AGPAT3: variants seen among roughly 807,000 people sequenced by gnomAD.
AGPAT3 encodes the protein 1-acylglycerol-3-phosphate O-acyltransferase 3.
AGPAT3 carries 5 observed loss-of-function variants against 47.3 expected under a neutral mutation model. That is an observed-to-expected ratio of 0.11 (90% CI 0.06 to 0.22). AGPAT3 has a LOEUF of 0.22. Ranked by LOEUF, AGPAT3 falls within the 10% of genes least tolerant of loss-of-function variation. The pLI, the probability that AGPAT3 is intolerant of heterozygous loss-of-function variation, is 1.00. For synonymous variants in AGPAT3, 212 were observed against 208.3 expected, an observed-to-expected ratio of 1.02 and a Z score of -0.15; for missense variants, 315 against 493.0, an observed-to-expected ratio of 0.64 and a Z score of 3.42.
rs1004383384 is a variant in AGPAT3, at chr21:43,920,220, T to TGAGC, written c.-49+16202_-49+16203insAGCG. On this transcript the variant is annotated intron_variant, in intron 2 of 9. Transcript: ENST00000291572. This position sits in a 1 kb window ranked among gnomAD's most constrained non-coding sequence, Gnocchi z 6.1. ...ATGTCTTCAGCCCTGTGTGTGTGTG[T>TGAGC]GTGAGAGATTGTGAGTGAGTGTGTG... is the stretch of plus-strand genomic sequence containing the variant. Among the ~76,000 whole-genome samples the TGAGC allele has an allele frequency of 2.0e-5, 3 of 147,332 alleles. No individual in the cohort carries two copies. Among genetic ancestry groups the TGAGC allele is most frequent in the South Asian group, 2.1e-4 (1 of 4,702 alleles).
chr21:43,977,071 C>T (rs191982340), intron 7 of AGPAT3, among the ~76,000 whole-genome samples: 54 of 152,254 alleles, frequency 3.5e-4, no homozygotes, highest in Middle Eastern at 3.4e-3. Context: ...TAAAATTTTC[C>T]GATTAGATTT....
At position 43,908,572 on chromosome 21, in the gene AGPAT3, G is replaced by A. The variant is rs2146073143; in HGVS notation, c.-49+4553G>A. 6.6e-6 allele frequency among the ~76,000 whole-genome samples: 1 copy of A among 152,334 alleles called. No individual in the cohort carries two copies. The highest frequency in any genetic ancestry group is 1.9e-4 in the East Asian group (1 of 5,192). On this transcript the variant is annotated intron_variant, in intron 2 of 9. Transcript: ENST00000291572. The surrounding 1 kb of genome is among the most constrained non-coding windows in gnomAD (Gnocchi z 4.9). ...CAGAAGGTGAGGGCATGGGGTAGGGGGAGTGGAGCCGTGGGTGCGGCACTA... is the reference window on the plus strand; with the variant it reads ...CAGAAGGTGAGGGCATGGGGTAGGGAGAGTGGAGCCGTGGGTGCGGCACTA...
chr21:43,897,247 CAT>C (rs1450110977), intron 1 of AGPAT3, among the ~76,000 whole-genome samples: 2 of 151,986 alleles, frequency 1.3e-5, no homozygotes, highest in African/African-American at 2.4e-5. Context: ...GGACACAGCA[CAT>C]GTTTCAGAGA....
intron 1 of AGPAT3, chr21:43,867,577 C>G (rs2085535285): frequency 6.6e-6 from 1 of 152,304 alleles, no homozygotes; most frequent in African/African-American, 2.4e-5. Context: ...CCGTTGTCAC[C>G]ATCAAAACCC....
At chr21:43,878,757 C>CA (rs1249650645) in intron 1 of AGPAT3, among the ~76,000 whole-genome samples, 1 of 145,602 alleles carries the variant, frequency 6.9e-6, no homozygotes, top group Admixed American at 6.8e-5. Context: ...TTTTTGGACA[C>CA]AGAGTTTTAC....
chr21:43,892,451 A>C (rs2086122783), intron 1 of AGPAT3, among the ~76,000 whole-genome samples: 1 of 152,220 alleles, frequency 6.6e-6, no homozygotes, highest in African/African-American at 2.4e-5. Flanking sequence ...TTGGCAATGA[A>C]CAGTAATTTT....
chr21:43,940,694 A>G (rs2087623399), intron 2 of AGPAT3, among the ~76,000 whole-genome samples: 1 of 152,238 alleles, frequency 6.6e-6, no homozygotes, highest in South Asian at 2.1e-4. Context: ...GTGCTGTAGG[A>G]TGGCTGATTT....
At position 43,970,845 on chromosome 21, in the gene AGPAT3, C is replaced by CCTG; in HGVS notation, c.664+39_664+40insCTG. The CCTG allele has an allele frequency of 6.8e-7, 1 of 1,469,246 alleles. No homozygotes were observed. The highest frequency in any genetic ancestry group is 9.0e-7 in the Non-Finnish European group (1 of 1,109,728). The allele number at this position is 1,469,246 out of a possible 1,614,324, so 91.0% of individuals were successfully genotyped here. On this transcript the variant is annotated intron_variant, in intron 6 of 9. Coordinates refer to ENST00000291572, the MANE Select transcript of AGPAT3 (RefSeq NM_020132.5). This position sits in a 1 kb window ranked among gnomAD's most constrained non-coding sequence, Gnocchi z 5.8. ...TGCCCGAGCCGGGGCCACCGCTATG[C>CCTG]TCACGGAAAATAGTGATTTCTTTAA...
chr21:43,866,120 G>GTT (rs751185123), intron 1 of AGPAT3, among the ~76,000 whole-genome samples: 38,265 of 132,160 alleles, frequency 0.29, 6,034 homozygotes, highest in East Asian at 0.52. Context: ...ATGGTGCAGT[G>GTT]TTTTTTTTTT....
intron 8 of AGPAT3, among the ~76,000 whole-genome samples, 161 bp downstream of exon 8, chr21:43,978,282 G>A (rs2089697555): frequency 6.6e-6 from 1 of 152,132 alleles, no homozygotes. Flanking sequence ...TCTTTCTGTT[G>A]TTTTGTTTTG....
intron 1 of AGPAT3, among the ~76,000 whole-genome samples, chr21:43,876,488 G>A (rs999321436): frequency 6.6e-5 from 10 of 152,274 alleles, no homozygotes; most frequent in African/African-American, 1.9e-4. Context: ...TCCAGGAGTG[G>A]GACTGATCTA....
intron 5 of AGPAT3, 115 bp downstream of exon 5, chr21:43,969,394 G>C (rs955386720): frequency 9.5e-6 from 13 of 1,370,024 alleles, no homozygotes; most frequent in Non-Finnish European, 1.2e-5. Context: ...TCTGCACATG[G>C]GGTGCTGTTT....
rs1372298045 is a variant in AGPAT3 at position 43,939,767 on chromosome 21, G to A, written c.-48-19867G>A. The stretch of plus-strand genomic sequence containing the variant: ...CAACCTGGCCCCTTGACACACTGGT[G>A]CTGTGAGGAGGAAGATGTGGGCACT... On this transcript the variant is annotated intron_variant, in intron 2 of 9. Coordinates refer to ENST00000291572, the MANE Select transcript of AGPAT3 (RefSeq NM_020132.5). This position sits in a 1 kb window ranked among gnomAD's most constrained non-coding sequence, Gnocchi z 4.4. Among the ~76,000 whole-genome samples the A allele has an allele frequency of 6.6e-6, 1 of 152,208 alleles. No individual in the cohort carries two copies. Among genetic ancestry groups the A allele is most frequent in the East Asian group, 1.9e-4 (1 of 5,204 alleles).
intron 7 of AGPAT3, among the ~76,000 whole-genome samples, chr21:43,976,029 T>C (rs1194166844): frequency 6.6e-6 from 1 of 151,724 alleles, no homozygotes; most frequent in Admixed American, 6.6e-5. Context: ...TTTTTGTTAA[T>C]GTTGAAGTTA....
chr21:43,943,088 G>A (rs1362045974), intron 2 of AGPAT3, among the ~76,000 whole-genome samples: 1 of 151,858 alleles, frequency 6.6e-6, no homozygotes, highest in African/African-American at 2.4e-5. Flanking sequence ...TTTTTGGTGG[G>A]GGGCGGGATG....
intron 1 of AGPAT3, among the ~76,000 whole-genome samples, chr21:43,875,981 GT>G (rs2085725478): frequency 6.6e-6 from 1 of 151,952 alleles, no homozygotes; most frequent in African/African-American, 2.4e-5. Context: ...TAGAGATGGG[GT>G]CTTGCTATGT....
At chr21:43,886,982 A>G (rs2085992891) in intron 1 of AGPAT3, among the ~76,000 whole-genome samples, 2 of 152,210 alleles carry the variant, frequency 1.3e-5, no homozygotes, top group African/African-American at 2.4e-5. Flanking sequence ...GCTGGGTCAC[A>G]TGGTGGCTGT....
At chr21:43,928,626 T>G (rs548201688) in intron 2 of AGPAT3, among the ~76,000 whole-genome samples, 1 of 152,254 alleles carries the variant, frequency 6.6e-6, no homozygotes, top group African/African-American at 2.4e-5. Context: ...ATGCGCATTT[T>G]AGTAATCGTG....
At chr21:43,972,880 T>C (rs1216638934) in intron 7 of AGPAT3, among the ~76,000 whole-genome samples, 1 of 152,228 alleles carries the variant, frequency 6.6e-6, no homozygotes, top group African/African-American at 2.4e-5. Context: ...GGGCCCTCCT[T>C]GCCACATGTA....
Sources: allele counts gnomAD v4.1 joint callset (sites outside exome capture counted in the v4.1 genomes callset), GRCh38; gene constraint gnomAD v4.1.1; non-coding constraint Gnocchi (gnomAD v3.1); transcripts MANE v1.5; gene names NCBI Gene and HGNC (gene_info 2026-07-23, HGNC 2026-07-21).